Variants in EYS observed in about 807,000 individuals in gnomAD.
EYS encodes protein eyes shut homolog.
EYS carries 250 observed loss-of-function variants against 282.1 expected under a neutral mutation model. The observed-to-expected ratio is 0.89, with a 90% CI of 0.80 to 0.98. The LOEUF is 0.98. Ranked by LOEUF, EYS falls within the 50% of genes least tolerant of loss-of-function variation. EYS has a pLI of 0.00. For missense variants in EYS, 4,016 were observed against 3,709.0 expected (o/e 1.08, Z -2.15); for synonymous variants, 1,355 against 1,282.9 (o/e 1.06, Z -1.20).
chr6:63,999,255 A>G lies in EYS; in HGVS notation c.6726-72T>C, dbSNP rs1023043496. On this transcript the variant is annotated intron_variant, in intron 33 of 42. Coordinates refer to ENST00000503581, the MANE Select transcript of EYS (RefSeq NM_001142800.2). ...GAAAGGAGTAACTTCACACATGGAT[A>G]GTAAGTACTTCTTCATTGAGAGAGG... 10 of 917,990 alleles carry G rather than the reference A, an allele frequency of 1.1e-5. 1 individual carries two copies. The highest frequency in any genetic ancestry group is 1.0e-4 in the Admixed American group (5 of 50,152). 56.9% of individuals were successfully genotyped at this position (917,990 alleles called of 1,614,324 possible). A position where few individuals can be genotyped will look rare whatever the true frequency, so the allele number is the denominator to read the frequency against.
Position 64,676,351 on chromosome 6 carries a change from T to TATAGAG in EYS, c.3444-50107_3444-50106insCTCTAT, listed in dbSNP as rs1554192088. Among the ~76,000 whole-genome samples, 1,185 of 145,408 alleles carry TATAGAG rather than the reference T, an allele frequency of 8.1e-3. 8 individuals are homozygous for TATAGAG. The highest frequency in any genetic ancestry group is 0.03 in the East Asian group (145 of 4,876). Reference sequence around the variant, plus strand: ...ATATCTATATATCTATATATATATATAGAGAGAGAGAGGGAGAGAAAGAGG... The same window carrying TATAGAG: ...ATATCTATATATCTATATATATATATATAGAGAGAGAGAGAGAGGGAGAGAAAGAGG... On this transcript the variant is annotated intron_variant, in intron 22 of 42. Coordinates refer to ENST00000503581, the MANE Select transcript of EYS (RefSeq NM_001142800.2).
chr6:65,005,242 C>T (rs958843980), intron 13 of EYS, among the ~76,000 whole-genome samples: 9 of 147,986 alleles, frequency 6.1e-5, no homozygotes, highest in Non-Finnish European at 1.2e-4. Context: ...TAAAGGCTTG[C>T]CATTGTTCCT....
At chr6:65,020,160 CA>C (rs1342886459) in intron 13 of EYS, among the ~76,000 whole-genome samples, 1 of 152,138 alleles carries the variant, frequency 6.6e-6, no homozygotes, top group Non-Finnish European at 1.5e-5. Context: ...ATTTAAAACA[CA>C]ATCATGCCCT....
chr6:65,014,085 A>G (rs1271175460), intron 13 of EYS, among the ~76,000 whole-genome samples: 2 of 152,172 alleles, frequency 1.3e-5, no homozygotes, highest in South Asian at 4.1e-4. Context: ...AAGCAAATGA[A>G]AGCTGTGTTT....
At chr6:64,200,410 A>G (rs1035077149) in intron 31 of EYS, among the ~76,000 whole-genome samples, 1 of 152,130 alleles carries the variant, frequency 6.6e-6, no homozygotes, top group Admixed American at 6.5e-5. Context: ...TTAATAAGAA[A>G]TTGTGTATGG....
intron 33 of EYS, among the ~76,000 whole-genome samples, chr6:64,000,467 T>C (rs777282088): frequency 3.6e-4 from 55 of 151,870 alleles, no homozygotes; most frequent in Non-Finnish European, 6.8e-4. Context: ...CCCAAAGTGC[T>C]AGGATTACAG....
intron 26 of EYS, among the ~76,000 whole-genome samples, chr6:64,505,196 A>C (rs550737889): frequency 2.6e-5 from 4 of 152,342 alleles, no homozygotes; most frequent in African/African-American, 9.6e-5. Context: ...TGACATTCCC[A>C]TAACTTTTTC....
At chr6:65,013,220 T>A (rs891966217) in intron 13 of EYS, among the ~76,000 whole-genome samples, 2 of 152,232 alleles carry the variant, frequency 1.3e-5, no homozygotes, top group African/African-American at 2.4e-5. Flanking sequence ...TAAATAATTT[T>A]GTATATTATA....
intron 22 of EYS, among the ~76,000 whole-genome samples, chr6:64,729,672 C>T (rs1419774404): frequency 6.6e-6 from 1 of 152,062 alleles, no homozygotes; most frequent in Non-Finnish European, 1.5e-5. Flanking sequence ...TAAAAGTAAT[C>T]ATGTTTTTTT....
intron 31 of EYS, among the ~76,000 whole-genome samples, chr6:64,149,926 G>A (rs1774646188): frequency 6.6e-6 from 1 of 152,158 alleles, no homozygotes; most frequent in South Asian, 2.1e-4. Flanking sequence ...GGGTTATTGT[G>A]AATATCAGAA....
At chr6:65,331,803 G>A in intron 11 of EYS, 3 of 790,630 alleles carry the variant, frequency 3.8e-6, no homozygotes, top group Non-Finnish European at 4.6e-6. Flanking sequence ...TGTTTTCAAT[G>A]TTTATTCGTA....
intron 30 of EYS, among the ~76,000 whole-genome samples, chr6:64,297,882 G>A (rs926007560): frequency 6.6e-6 from 1 of 151,612 alleles, no homozygotes; most frequent in South Asian, 2.1e-4. Context: ...GGAGGCTGAG[G>A]CAGTGGAATC....
At chr6:64,860,285 C>A (rs574387464) in intron 19 of EYS, among the ~76,000 whole-genome samples, 16 of 152,362 alleles carry the variant, frequency 1.1e-4, no homozygotes, top group Non-Finnish European at 8.8e-5. Context: ...TTGGTCAGGG[C>A]CACTGGGCCC....
At chr6:65,051,535 CA>C (rs1773268347) in intron 13 of EYS, among the ~76,000 whole-genome samples, 5 of 151,570 alleles carry the variant, frequency 3.3e-5, no homozygotes, top group Non-Finnish European at 7.4e-5. Context: ...TATTACCTCA[CA>C]CACATTTTGA....
intron 12 of EYS, among the ~76,000 whole-genome samples, chr6:65,120,460 CAAAAAA>C (rs67505285): frequency 8.8e-5 from 6 of 68,288 alleles, no homozygotes; most frequent in South Asian, 4.9e-4. Context: ...TTTAAATAAG[CAAAAAA>C]AAAAAAAAAA....
rs769489404 is a variant in EYS, at chr6:65,061,266, A to T, written c.2024-3539T>A. ...TTTCCACTTATTTGACAAATAAATT[A>T]ATAAGCATAAGTAGTTTGAACACAT... On this transcript the variant is annotated intron_variant, in intron 12 of 42. Transcript: ENST00000503581. Among the ~76,000 whole-genome samples, 37 of 151,990 alleles carry T rather than the reference A, an allele frequency of 2.4e-4. 1 individual carries two copies. Among genetic ancestry groups the T allele is most frequent in the Non-Finnish European group, 4.7e-4 (32 of 67,898 alleles).
intron 30 of EYS, among the ~76,000 whole-genome samples, chr6:64,254,712 A>T (rs542426109): frequency 6.6e-6 from 1 of 152,068 alleles, no homozygotes; most frequent in African/African-American, 2.4e-5. Flanking sequence ...ACTACACCTC[A>T]TCCACTCCCG....
intron 2 of EYS, among the ~76,000 whole-genome samples, chr6:65,630,645 G>C (rs1202408202): frequency 6.6e-6 from 1 of 152,170 alleles, no homozygotes; most frequent in East Asian, 1.9e-4. Context: ...AACTTGCAGA[G>C]TATCAACAAA....
At chr6:64,298,555 A>G (rs959393253) in intron 30 of EYS, among the ~76,000 whole-genome samples, 13 of 152,170 alleles carry the variant, frequency 8.5e-5, no homozygotes, top group Non-Finnish European at 1.8e-4. Flanking sequence ...ATTAGAAAAA[A>G]TTTTAAATAC....
Sources: gnomAD v4.1 joint callset for allele counts (sites outside exome capture counted in the v4.1 genomes callset) on GRCh38, gnomAD v4.1.1 for gene constraint, MANE v1.5 for transcripts, NCBI Gene and HGNC (gene_info 2026-07-23, HGNC 2026-07-21) for gene names.